The following SPATS2L variants were observed in gnomAD, a reference collection of about 807,000 sequenced individuals.
The protein encoded by SPATS2L is spermatogenesis associated serine rich 2 like.
Under a neutral mutation model 59.6 loss-of-function variants are expected in SPATS2L, and 30 were observed. That is an observed-to-expected ratio of 0.50 (90% CI 0.38 to 0.68). The LOEUF (loss-of-function observed/expected upper bound fraction) is 0.68. SPATS2L is among the 30% of genes least tolerant of loss of function. SPATS2L has a pLI of 0.00. For synonymous variants in SPATS2L, 252 were observed against 263.5 expected, an observed-to-expected ratio of 0.96 and a Z score of 0.42; for missense variants, 615 against 700.0, an observed-to-expected ratio of 0.88 and a Z score of 1.37.
At chr2:200,370,064 G>C (rs159430) in intron 2 of SPATS2L, among the ~76,000 whole-genome samples, 140,172 of 152,294 alleles carry the variant, frequency 0.92, 64,720 homozygotes, top group Middle Eastern at 0.97. Context: ...CCACCTGGCC[G>C]GGATTGCATC....
intron 2 of SPATS2L, among the ~76,000 whole-genome samples, chr2:200,342,181 G>A (rs981601510): frequency 2.6e-5 from 4 of 152,152 alleles, no homozygotes; most frequent in African/African-American, 9.7e-5. Flanking sequence ...CTGGACCTGG[G>A]ACCATGTCTT....
intron 1 of SPATS2L, among the ~76,000 whole-genome samples, chr2:200,329,050 T>C (rs2105790267): frequency 6.6e-6 from 1 of 152,318 alleles, no homozygotes; most frequent in East Asian, 1.9e-4. Context: ...CCTCAGAGTA[T>C]TGAAGAGTTA....
At chr2:200,432,685 C>T (rs906012106) in intron 6 of SPATS2L, among the ~76,000 whole-genome samples, 5 of 152,016 alleles carry the variant, frequency 3.3e-5, no homozygotes, top group African/African-American at 1.2e-4. Context: ...GACCCATTAA[C>T]AACACAGAAG....
intron 3 of SPATS2L, among the ~76,000 whole-genome samples, chr2:200,391,555 G>T (rs1246880109): frequency 2.6e-5 from 4 of 152,226 alleles, no homozygotes; most frequent in African/African-American, 9.6e-5. Flanking sequence ...GCCATGTAGG[G>T]CATTATTCAG....
At chr2:200,424,124 A>T (rs1406832008) in intron 6 of SPATS2L, among the ~76,000 whole-genome samples, 1 of 152,102 alleles carries the variant, frequency 6.6e-6, no homozygotes. Flanking sequence ...CTCAAATTGG[A>T]TCTTTTACAT....
chr2:200,347,642 C>T (rs2080560930), intron 2 of SPATS2L, among the ~76,000 whole-genome samples: 1 of 152,112 alleles, frequency 6.6e-6, no homozygotes, highest in Non-Finnish European at 1.5e-5. Flanking sequence ...AGGTTGGAGG[C>T]AGCTTCACTG....
At chr2:200,440,206 T>C (rs1450269886) in intron 7 of SPATS2L, among the ~76,000 whole-genome samples, 1 of 152,248 alleles carries the variant, frequency 6.6e-6, no homozygotes, top group East Asian at 1.9e-4. Flanking sequence ...GTACCTGGCA[T>C]TGATGCCCCA....
chr2:200,306,442 T>C, upstream of SPATS2L: 2 of 1,002,212 alleles, frequency 2.0e-6, no homozygotes, highest in African/African-American at 1.7e-5. Context: ...ACTGGGATTC[T>C]TCTAGAAAGT....
At chr2:200,323,586 G>T (rs979395272) in intron 1 of SPATS2L, among the ~76,000 whole-genome samples, 4 of 152,052 alleles carry the variant, frequency 2.6e-5, no homozygotes, top group Non-Finnish European at 1.5e-5. Flanking sequence ...CCCTTTTACT[G>T]CCCTGGAAAC....
At position 200,404,358 on chromosome 2, in the gene SPATS2L, C is replaced by G. The variant is rs141963442; in HGVS notation, c.40-7953C>G. Among the ~76,000 whole-genome samples the G allele has an allele frequency of 5.9e-5, 9 of 152,266 alleles. No individual in the cohort carries two copies. In the East Asian group the frequency reaches 1.7e-3, roughly 29 times the overall value. The stretch of plus-strand genomic sequence containing the variant: ...TAAGATTCAGAGAGAACGTTGTTAC[C>G]AGAATGATGTGCTAGTTATTTATGA... On this transcript the variant is annotated intron_variant, in intron 3 of 12. Transcript: ENST00000409140.
At chr2:200,340,487 C>A (rs1054852845) in intron 2 of SPATS2L, among the ~76,000 whole-genome samples, 3 of 152,076 alleles carry the variant, frequency 2.0e-5, no homozygotes, top group African/African-American at 7.2e-5. Context: ...CTGCCTTCTT[C>A]CCTGGATGAA....
rs567726090 is a variant in SPATS2L, at chr2:200,447,916, C to T, written c.788+7132C>T. Among the ~76,000 whole-genome samples the T allele has an allele frequency of 2.8e-4, 43 of 152,292 alleles. No individual in the cohort carries two copies. In the South Asian group the frequency reaches 5.6e-3, roughly 20 times the overall value. ...AATTTTGTTAATTCCTTAGATTAAA[C>T]AAGTAGTGAAGACAAAAATCAAGAG... On this transcript the variant is annotated intron_variant, in intron 8 of 12. Coordinates refer to ENST00000409140, the MANE Select transcript of SPATS2L (RefSeq NM_001100423.2).
intron 2 of SPATS2L, among the ~76,000 whole-genome samples, chr2:200,382,528 T>C (rs968541172): frequency 6.6e-5 from 10 of 152,204 alleles, no homozygotes; most frequent in Non-Finnish European, 5.9e-5. Context: ...AACGGTTTTA[T>C]TCCCCTGGTG....
Position 200,440,756 on chromosome 2 carries a change from A to T in SPATS2L, c.760A>T (p.Lys254Ter). The change falls in exon 8 of 13, where the codon AAA becomes TAA. Residue 254 changes from lysine to a stop codon, truncating the protein, a stop_gained. Coordinates refer to ENST00000409140, the MANE Select transcript of SPATS2L (RefSeq NM_001100423.2). LOFTEE classifies it high-confidence loss of function. Reference sequence around the variant, plus strand: ...AGTGGATAGTTCCGTGAAGAAGATCAAAGCTGCCTTTGCTGAATTACACAA... The same window carrying T: ...AGTGGATAGTTCCGTGAAGAAGATCTAAGCTGCCTTTGCTGAATTACACAA... ...EEVDSSVKKI[K>*]AAFAELHNCI... is the part of the protein sequence containing the mutation. 2 of 1,613,638 alleles carry T rather than the reference A, an allele frequency of 1.2e-6. No individual in the cohort carries two copies. Among genetic ancestry groups the T allele is most frequent in the Non-Finnish European group, 1.7e-6 (2 of 1,179,640 alleles).
Position 200,463,578 on chromosome 2 carries a change from C to T in SPATS2L, c.848-3712C>T, listed in dbSNP as rs1465853107. Among the ~76,000 whole-genome samples, 3 of 152,018 alleles carry T rather than the reference C, an allele frequency of 2.0e-5. No homozygotes were observed. In the East Asian group the frequency reaches 5.8e-4, roughly 29 times the overall value. On this transcript the variant is annotated intron_variant, in intron 9 of 12. Transcript: ENST00000409140. ...TCATGTATGTTATTCCATTTATTTC[C>T]ACAATACCCCTACAACATGTGATCA...
intron 2 of SPATS2L, among the ~76,000 whole-genome samples, chr2:200,375,408 G>A (rs371881584): frequency 6.6e-6 from 1 of 152,106 alleles, no homozygotes; most frequent in Admixed American, 6.6e-5. Flanking sequence ...ACAGTAAGAA[G>A]AAATAAAATC....
chr2:200,413,804 T>A (rs2082966799), intron 4 of SPATS2L, among the ~76,000 whole-genome samples: 1 of 152,208 alleles, frequency 6.6e-6, no homozygotes, highest in African/African-American at 2.4e-5. Context: ...AGCAAATGAT[T>A]ATCATTCAGT....
At position 200,473,149 on chromosome 2, in the gene SPATS2L, G is replaced by A. The variant is rs1430946368; in HGVS notation, c.1281+97G>A. ...AACTACTAGATTCTGGGCCTCCTGG[G>A]GTCACACTCAGGCTCCCGCCACCTG... On this transcript the variant is annotated intron_variant, in intron 12 of 12. Transcript: ENST00000409140. The A allele has an allele frequency of 4.9e-6, 6 of 1,228,196 alleles. No individual in the cohort carries two copies. The African/African-American group carries it at 9.2e-5, about 19-fold the overall frequency. The allele number at this position is 1,228,196 out of a possible 1,614,324, so 76.1% of individuals were successfully genotyped here. A position where few individuals can be genotyped will look rare whatever the true frequency, so the allele number is the denominator to read the frequency against.
intron 9 of SPATS2L, 50 bp downstream of exon 9, chr2:200,459,877 C>A: frequency 7.3e-7 from 1 of 1,361,420 alleles, no homozygotes; most frequent in South Asian, 1.2e-5. Context: ...CAATCAGAAG[C>A]AATCCATAGG....
Sources: gnomAD v4.1 joint callset for allele counts (sites outside exome capture counted in the v4.1 genomes callset) on GRCh38, gnomAD v4.1.1 for gene constraint, MANE v1.5 for transcripts, NCBI Gene and HGNC (gene_info 2026-07-23, HGNC 2026-07-21) for gene names.